MRPL1: variants seen among roughly 807,000 people sequenced by gnomAD.
The protein encoded by MRPL1 is mitochondrial ribosomal protein L1.
A neutral mutation model predicts 38.0 loss-of-function variants in MRPL1; 28 were observed. That is an observed-to-expected ratio of 0.74 (90% CI 0.55 to 1.01). The LOEUF (loss-of-function observed/expected upper bound fraction) is 1.01, where lower values mean the gene tolerates loss of function less well. Among genes scored for constraint, MRPL1 ranks in the 50% least tolerant of loss-of-function variants. MRPL1 has a pLI of 0.00. For missense variants in MRPL1, 358 were observed against 389.8 expected (o/e 0.92, Z 0.69); for synonymous variants, 123 against 126.7 (o/e 0.97, Z 0.20).
At chr4:77,883,217 T>C in intron 2 of MRPL1, 25 bp from the exon 3 acceptor site, 1 of 1,447,326 alleles carries the variant, frequency 6.9e-7, no homozygotes, top group Non-Finnish European at 9.3e-7. Flanking sequence ...TATATTGATA[T>C]AACTCAACTT....
At chr4:77,900,671 A>G (rs974500741) in intron 6 of MRPL1, among the ~76,000 whole-genome samples, 10 of 152,246 alleles carry the variant, frequency 6.6e-5, no homozygotes, top group Non-Finnish European at 1.5e-4. Flanking sequence ...ACAGTGGGCT[A>G]GGTCACAGCA....
At chr4:77,886,957 C>T (rs1735691383) in intron 4 of MRPL1, among the ~76,000 whole-genome samples, 1 of 151,572 alleles carries the variant, frequency 6.6e-6, no homozygotes, top group South Asian at 2.1e-4. Flanking sequence ...CACGTCCGGC[C>T]AATTTTTATA....
intron 2 of MRPL1, among the ~76,000 whole-genome samples, chr4:77,880,546 A>G (rs1166924357): frequency 7.0e-6 from 1 of 143,154 alleles, no homozygotes; most frequent in African/African-American, 2.6e-5. Flanking sequence ...AAGATTTGGG[A>G]ATTAGGATAT....
At chr4:77,886,793 T>C (rs1450546248) in intron 4 of MRPL1, among the ~76,000 whole-genome samples, 9 of 136,756 alleles carry the variant, frequency 6.6e-5, no homozygotes, top group East Asian at 2.1e-4. Context: ...CATTTTCTTT[T>C]TTTTTTTTTT....
At chr4:77,895,981 A>G (rs558140075) in intron 6 of MRPL1, among the ~76,000 whole-genome samples, 2 of 152,288 alleles carry the variant, frequency 1.3e-5, no homozygotes, top group African/African-American at 4.8e-5. Context: ...AGCTCAAATC[A>G]GAGCAAAACA....
intron 7 of MRPL1, among the ~76,000 whole-genome samples, chr4:77,932,521 T>A (rs1182010802): frequency 1.3e-5 from 2 of 152,146 alleles, no homozygotes; most frequent in African/African-American, 2.4e-5. Flanking sequence ...ACAAAAGCAC[T>A]GGAAAGCCTG....
rs748304787 is a variant in MRPL1, at chr4:77,866,112, C to G, written c.31+3233C>G. On this transcript the variant is annotated intron_variant, in intron 1 of 8. Coordinates refer to ENST00000315567, the MANE Select transcript of MRPL1 (RefSeq NM_020236.4). The stretch of plus-strand genomic sequence containing the variant: ...TGTTGTCCAGGCTAGAGTGCAGTGG[C>G]ATGATCTCGGCTCACTGTAACCTGT... 3.3e-5 allele frequency among the ~76,000 whole-genome samples: 5 copies of G among 152,314 alleles called. No homozygotes were observed. The South Asian group carries it at 1.0e-3, about 32-fold the overall frequency.
In MRPL1 at chr4:77,872,799, G is replaced by T. The variant is rs56754316; in HGVS notation, c.143+944G>T. On this transcript the variant is annotated intron_variant, in intron 2 of 8. Transcript: ENST00000315567. ...AATCGCTTGAACCTGGGCAGCAGAG[G>T]TTGCAGCAAGCCGAGATCGCACCAC... 5.9e-4 allele frequency among the ~76,000 whole-genome samples: 90 copies of T among 152,324 alleles called. 1 individual carries two copies. The highest frequency in any genetic ancestry group is 2.0e-3 in the African/African-American group (85 of 41,584).
intron 2 of MRPL1, among the ~76,000 whole-genome samples, chr4:77,882,138 G>T (rs1479734623): frequency 3.9e-5 from 6 of 152,166 alleles, no homozygotes; most frequent in African/African-American, 9.7e-5. Context: ...AGAACATATG[G>T]CTCACAAAGC....
Position 77,867,699 on chromosome 4 carries a change from T to A in MRPL1, c.32-4045T>A, listed in dbSNP as rs920498390. ...TCAACCCGCCTTGGCTTCCCAGTGT[T>A]GGGATTACATGCGTGAACCACTACA... On this transcript the variant is annotated intron_variant, in intron 1 of 8. Coordinates refer to ENST00000315567, the MANE Select transcript of MRPL1 (RefSeq NM_020236.4). 5.9e-5 allele frequency among the ~76,000 whole-genome samples: 9 copies of A among 151,400 alleles called. 1 individual carries two copies. The highest frequency in any genetic ancestry group is 2.2e-4 in the African/African-American group (9 of 41,304).
At chr4:77,898,695 TG>T (rs1231264760) in intron 6 of MRPL1, among the ~76,000 whole-genome samples, 1 of 152,088 alleles carries the variant, frequency 6.6e-6, no homozygotes, top group African/African-American at 2.4e-5. Flanking sequence ...GGTTTCACCA[TG>T]TTGGCCAGGC....
Position 77,894,138 on chromosome 4 carries a change from G to T in MRPL1, c.559-1G>T. The T allele has an allele frequency of 1.3e-6, 2 of 1,565,332 alleles. No individual in the cohort carries two copies. Among genetic ancestry groups the T allele is most frequent in the Admixed American group, 1.8e-5 (1 of 55,878 alleles). On this transcript the variant is annotated splice_acceptor_variant, in intron 5 of 8. Transcript: ENST00000315567. LOFTEE classifies it high-confidence loss of function. ...GTCACCTTTTTTTTTTTAATTTTCA[G>T]ATTTGGGATGATGAAATTGTTGCAG... is the stretch of plus-strand genomic sequence containing the variant.
At chr4:77,884,540 G>A (rs1009080050) in intron 3 of MRPL1, among the ~76,000 whole-genome samples, 4 of 152,170 alleles carry the variant, frequency 2.6e-5, no homozygotes, top group South Asian at 2.1e-4. Flanking sequence ...CTGTATTAGC[G>A]TGCCTCAAAT....
intron 7 of MRPL1, among the ~76,000 whole-genome samples, chr4:77,916,017 G>A (rs1441325729): frequency 6.6e-6 from 1 of 152,172 alleles, no homozygotes; most frequent in African/African-American, 2.4e-5. Context: ...TGAAAATAAA[G>A]AGCTACAGAG....
chr4:77,928,343 A>G (rs1246849614), intron 7 of MRPL1, among the ~76,000 whole-genome samples: 9 of 152,202 alleles, frequency 5.9e-5, no homozygotes, highest in African/African-American at 2.4e-5. Flanking sequence ...TTTTGAAGCA[A>G]CTGGGTCCAT....
chr4:77,942,242 TCA>T (rs1401353853), intron 7 of MRPL1, among the ~76,000 whole-genome samples: 1 of 152,212 alleles, frequency 6.6e-6, no homozygotes, highest in African/African-American at 2.4e-5. Flanking sequence ...TGATATAATT[TCA>T]GTTTCTTAAA....
intron 6 of MRPL1, among the ~76,000 whole-genome samples, chr4:77,898,295 C>T (rs1735962772): frequency 6.6e-6 from 1 of 151,802 alleles, no homozygotes; most frequent in Non-Finnish European, 1.5e-5. Flanking sequence ...GTGTTCAGTG[C>T]CTCTCATTAG....
At chr4:77,942,700 A>C (rs1392190632) in intron 7 of MRPL1, among the ~76,000 whole-genome samples, 2 of 152,082 alleles carry the variant, frequency 1.3e-5, no homozygotes, top group Non-Finnish European at 2.9e-5. Context: ...ACTCCTGCTC[A>C]CTTTTGGTGT....
At chr4:77,938,483 T>A (rs183394066) in intron 7 of MRPL1, among the ~76,000 whole-genome samples, 1 of 152,338 alleles carries the variant, frequency 6.6e-6, no homozygotes, top group East Asian at 1.9e-4. Flanking sequence ...TTCCTGCTGT[T>A]TTCAGTTGTG....
Sources: allele counts gnomAD v4.1 joint callset (sites outside exome capture counted in the v4.1 genomes callset), GRCh38; gene constraint gnomAD v4.1.1; transcripts MANE v1.5; gene names NCBI Gene and HGNC (gene_info 2026-07-23, HGNC 2026-07-21).